PI4KA: variants seen among roughly 807,000 people sequenced by gnomAD.
PI4KA encodes the protein PI4-kinase alpha.
PI4KA carries 122 observed loss-of-function variants against 271.4 expected under a neutral mutation model. The ratio of observed to expected loss-of-function variants is 0.45; its 90% CI spans 0.39 to 0.52. The LOEUF (loss-of-function observed/expected upper bound fraction) is 0.52. Among genes scored for constraint, PI4KA ranks in the 20% least tolerant of loss-of-function variants. The probability of loss-of-function intolerance (pLI) is 0.00; values close to 1 mark genes in which losing one functional copy is unlikely to be tolerated. For synonymous variants in PI4KA, 1,041 were observed against 1,078.8 expected, an observed-to-expected ratio of 0.96 and a Z score of 0.69; for missense variants, 1,969 against 2,769.1, an observed-to-expected ratio of 0.71 and a Z score of 6.48.
chr22:20,730,065 C>A, intron 36 of PI4KA, 54 bp from the exon 37 acceptor site: 1 of 1,595,704 alleles, frequency 6.3e-7, no homozygotes, highest in South Asian at 1.1e-5. Flanking sequence ...GAAAAGGTAC[C>A]ACAAAAAATA....
intron 41 of PI4KA, among the ~76,000 whole-genome samples, 193 bp from the exon 42 acceptor site, chr22:20,726,734 C>G (rs1927393943): frequency 6.6e-6 from 1 of 152,240 alleles, no homozygotes; most frequent in Admixed American, 6.5e-5. Flanking sequence ...GAGCAAGGCT[C>G]CCGCTCTACA....
At chr22:20,750,284 G>A (rs939810857) in intron 27 of PI4KA, among the ~76,000 whole-genome samples, 1 of 152,176 alleles carries the variant, frequency 6.6e-6, no homozygotes, top group East Asian at 1.9e-4. Flanking sequence ...TGTGCACAGA[G>A]GGAAGAACAC....
chr22:20,768,005 G>A (rs2147412433), intron 19 of PI4KA, among the ~76,000 whole-genome samples: 1 of 149,580 alleles, frequency 6.7e-6, no homozygotes, highest in East Asian at 2.0e-4. Flanking sequence ...TAATTTAAAA[G>A]TAAACTTTAA....
chr22:20,714,742 C>G (rs779606812), intron 45 of PI4KA, 42 bp from the exon 46 acceptor site: 1 of 1,594,388 alleles, frequency 6.3e-7, no homozygotes, highest in African/African-American at 1.3e-5. Flanking sequence ...GCATGTGTCA[C>G]CACAGGTGAG....
intron 1 of PI4KA, among the ~76,000 whole-genome samples, chr22:20,852,790 A>T (rs1479581757): frequency 1.3e-5 from 2 of 152,192 alleles, no homozygotes; most frequent in Non-Finnish European, 2.9e-5. Flanking sequence ...ACTCTAAAGT[A>T]CAGACTGAAT....
intron 42 of PI4KA, among the ~76,000 whole-genome samples, chr22:20,724,044 T>C (rs1601336545): frequency 6.6e-6 from 1 of 151,728 alleles, no homozygotes; most frequent in South Asian, 2.1e-4. Flanking sequence ...TTCACTCTGT[T>C]AGCCAGTATG....
intron 13 of PI4KA, 78 bp downstream of exon 13, chr22:20,803,113 C>A: frequency 6.8e-7 from 1 of 1,471,680 alleles, no homozygotes; most frequent in Non-Finnish European, 9.5e-7. Context: ...CAGGTACAGT[C>A]ATGAAACCTG....
intron 11 of PI4KA, among the ~76,000 whole-genome samples, 182 bp downstream of exon 11, chr22:20,804,792 C>A (rs1555899872): frequency 6.6e-6 from 1 of 152,260 alleles, no homozygotes; most frequent in Non-Finnish European, 1.5e-5. Context: ...GGACAGGACA[C>A]CAGACGTGCA....
At chr22:20,764,345 C>T (rs1427127393) in intron 22 of PI4KA, among the ~76,000 whole-genome samples, 1 of 152,200 alleles carries the variant, frequency 6.6e-6, no homozygotes, top group African/African-American at 2.4e-5. Context: ...GTCACTACCA[C>T]TGTTAGGACT....
chr22:20,772,557 A>G (rs1932923422), intron 19 of PI4KA, among the ~76,000 whole-genome samples: 1 of 152,152 alleles, frequency 6.6e-6, no homozygotes, highest in African/African-American at 2.4e-5. Context: ...TCCTGAACAC[A>G]ATGGACCTTT....
In PI4KA at chr22:20,856,913, T is replaced by C. The variant is rs529508860; in HGVS notation, c.156+1657A>G. 6.6e-5 allele frequency among the ~76,000 whole-genome samples: 10 copies of C among 152,310 alleles called. No homozygotes were observed. The South Asian group carries it at 2.1e-3, about 32-fold the overall frequency. Reference sequence around the variant, plus strand: ...TGCTGGAGCTGCAGGACCAGCTTCTTAAAGATCATCCAATTCACTGCATTC... The same window carrying C: ...TGCTGGAGCTGCAGGACCAGCTTCTCAAAGATCATCCAATTCACTGCATTC... On this transcript the variant is annotated intron_variant, in intron 1 of 54. Coordinates refer to ENST00000255882, the MANE Select transcript of PI4KA (RefSeq NM_058004.4).
At chr22:20,781,313 C>T (rs541797816) in intron 19 of PI4KA, among the ~76,000 whole-genome samples, 1 of 152,182 alleles carries the variant, frequency 6.6e-6, no homozygotes, top group East Asian at 1.9e-4. Context: ...AGGGGAAACA[C>T]GAGGAATGGT....
At chr22:20,737,996 G>A (rs1298821036) in intron 32 of PI4KA, among the ~76,000 whole-genome samples, 2 of 152,216 alleles carry the variant, frequency 1.3e-5, no homozygotes, top group Non-Finnish European at 2.9e-5. Flanking sequence ...AAGGAATCCT[G>A]ACCATAGCAG....
chr22:20,815,084 A>G (rs1039079511), intron 7 of PI4KA, among the ~76,000 whole-genome samples: 10 of 152,084 alleles, frequency 6.6e-5, no homozygotes, highest in African/African-American at 2.4e-4. Flanking sequence ...TTTAGAAACT[A>G]TAATAGAAAA....
At chr22:20,842,526 C>A (rs1379501036) in intron 1 of PI4KA, among the ~76,000 whole-genome samples, 3 of 152,092 alleles carry the variant, frequency 2.0e-5, no homozygotes, top group African/African-American at 7.2e-5. Context: ...AGATTACAGG[C>A]AATAGGCCGG....
chr22:20,782,024 C>T (rs1294242688), intron 19 of PI4KA, among the ~76,000 whole-genome samples: 1 of 152,214 alleles, frequency 6.6e-6, no homozygotes, highest in Non-Finnish European at 1.5e-5. Flanking sequence ...ATATGATAAA[C>T]ATATGATATT....
At chr22:20,850,684 G>A (rs1044280671) in intron 1 of PI4KA, among the ~76,000 whole-genome samples, 5 of 151,762 alleles carry the variant, frequency 3.3e-5, no homozygotes, top group South Asian at 2.1e-4. Context: ...TGATCCGCCC[G>A]CCTCGGCCTC....
chr22:20,847,323 A>C (rs1409707513), intron 1 of PI4KA, among the ~76,000 whole-genome samples: 1 of 152,142 alleles, frequency 6.6e-6, no homozygotes, highest in African/African-American at 2.4e-5. Context: ...AAGAAAAACA[A>C]CTGTAATAAT....
intron 1 of PI4KA, among the ~76,000 whole-genome samples, chr22:20,841,895 G>A (rs1350722847): frequency 6.6e-6 from 1 of 152,154 alleles, no homozygotes; most frequent in Non-Finnish European, 1.5e-5. Context: ...ATCAAGGAAT[G>A]TGGGCAGCTC....
Sources: gnomAD v4.1 joint callset for allele counts (sites outside exome capture counted in the v4.1 genomes callset) on GRCh38, gnomAD v4.1.1 for gene constraint, MANE v1.5 for transcripts, NCBI Gene and HGNC (gene_info 2026-07-23, HGNC 2026-07-21) for gene names.